The following IQCM variants were observed in gnomAD, a reference collection of about 807,000 sequenced individuals.
IQCM encodes IQ domain-containing protein M.
In IQCM, 45 loss-of-function variants were observed where a neutral mutation model predicts 57.6. That is an observed-to-expected ratio of 0.78 (90% CI 0.62 to 1.00). IQCM has a LOEUF of 1.00. Ranked by LOEUF, IQCM falls within the 50% of genes least tolerant of loss-of-function variation. The pLI, the probability that IQCM is intolerant of heterozygous loss-of-function variation, is 0.00. For missense variants in IQCM, 468 were observed against 511.6 expected, an observed-to-expected ratio of 0.91 and a Z score of 0.82; for synonymous variants, 148 against 158.9, an observed-to-expected ratio of 0.93 and a Z score of 0.51.
chr4:149,552,037 C>T (rs929423773), intron 11 of IQCM, among the ~76,000 whole-genome samples: 17 of 152,148 alleles, frequency 1.1e-4, no homozygotes, highest in African/African-American at 3.9e-4. Context: ...AAAACAATCT[C>T]TCTCTCTTTT....
chr4:149,460,337 G>C (rs563618434), intron 12 of IQCM, among the ~76,000 whole-genome samples: 1 of 152,116 alleles, frequency 6.6e-6, no homozygotes, highest in African/African-American at 2.4e-5. Flanking sequence ...TACATGATTT[G>C]CAAATATGTT....
intron 12 of IQCM, among the ~76,000 whole-genome samples, chr4:149,546,591 A>C (rs566360016): frequency 6.6e-6 from 1 of 152,036 alleles, no homozygotes; most frequent in Non-Finnish European, 1.5e-5. Flanking sequence ...CATTTTTTCA[A>C]GTGTCTTTTG....
intron 12 of IQCM, among the ~76,000 whole-genome samples, chr4:149,480,574 T>C (rs1740671643): frequency 1.3e-5 from 2 of 152,184 alleles, no homozygotes; most frequent in Non-Finnish European, 2.9e-5. Context: ...TTCCGTGTTA[T>C]TGCAAATGAC....
intron 10 of IQCM, among the ~76,000 whole-genome samples, chr4:149,561,259 G>A (rs971626922): frequency 5.3e-5 from 5 of 94,650 alleles, no homozygotes; most frequent in Admixed American, 3.7e-4. Flanking sequence ...TCCTTTTCAC[G>A]CTCATCTTTG....
At chr4:149,710,061 A>C (rs1167580301) in intron 5 of IQCM, among the ~76,000 whole-genome samples, 8 of 152,160 alleles carry the variant, frequency 5.3e-5, no homozygotes, top group Non-Finnish European at 1.2e-4. Context: ...CTGGACTATT[A>C]AATTATCTGT....
intron 12 of IQCM, among the ~76,000 whole-genome samples, chr4:149,506,111 C>G (rs918397857): frequency 8.6e-5 from 13 of 152,030 alleles, no homozygotes; most frequent in Non-Finnish European, 1.8e-4. Flanking sequence ...CCTCTTTCTA[C>G]TAGTGGAGTG....
intron 5 of IQCM, among the ~76,000 whole-genome samples, chr4:149,717,709 C>T (rs962438849): frequency 2.0e-5 from 3 of 152,176 alleles, no homozygotes; most frequent in East Asian, 1.9e-4. Flanking sequence ...CCAACTTACA[C>T]AGAGTATGGC....
At chr4:149,397,386 C>A (rs1217195398) in intron 13 of IQCM, among the ~76,000 whole-genome samples, 3 of 151,782 alleles carry the variant, frequency 2.0e-5, no homozygotes, top group African/African-American at 7.3e-5. Context: ...AATTGTAATC[C>A]CCAGGTGTCA....
At position 149,733,259 on chromosome 4, in the gene IQCM, C is replaced by T. The variant is rs964177495; in HGVS notation, c.370G>A (p.Asp124Asn). Residue 124 changes from aspartate (D) to asparagine (N), a missense_variant, in exon 5 of 14, where the codon GAT becomes AAT. Transcript: ENST00000636793. ...AAAAACTTACCTTTTGTAATTAGAT[C>T]TATGGGCCTGCATCTTTCTCTTCTA... ...FSRRERCRPI[D>N]LITKGQVKLD... is the part of the protein sequence containing the mutation. The T allele has an allele frequency of 2.8e-5, 34 of 1,231,596 alleles. No homozygotes were observed. The highest frequency in any genetic ancestry group is 2.9e-5 in the Non-Finnish European group (29 of 987,668). The allele number at this position is 1,231,596 out of a possible 1,614,324, so 76.3% of individuals were successfully genotyped here.
chr4:149,637,914 CAA>C (rs1345022974), intron 7 of IQCM, among the ~76,000 whole-genome samples: 1 of 151,956 alleles, frequency 6.6e-6, no homozygotes, highest in Non-Finnish European at 1.5e-5. Context: ...CTGGAACAGA[CAA>C]AACAAAATCA....
chr4:149,707,953 A>C (rs1764279072), intron 5 of IQCM, among the ~76,000 whole-genome samples: 1 of 151,968 alleles, frequency 6.6e-6, no homozygotes, highest in Admixed American at 6.6e-5. Flanking sequence ...TTTCATCTAG[A>C]ACCAGGAAGA....
chr4:149,426,903 C>A (rs1734499191), intron 13 of IQCM, among the ~76,000 whole-genome samples: 1 of 151,888 alleles, frequency 6.6e-6, no homozygotes, highest in Admixed American at 6.6e-5. Context: ...TCCTTGGAGC[C>A]ATCTTGGAGA....
intron 13 of IQCM, among the ~76,000 whole-genome samples, chr4:149,378,906 C>T (rs193239540): frequency 6.6e-6 from 1 of 152,136 alleles, no homozygotes; most frequent in African/African-American, 2.4e-5. Context: ...AAAATGGTTT[C>T]ATGGGCTGGG....
intron 7 of IQCM, among the ~76,000 whole-genome samples, chr4:149,635,551 A>G (rs892351523): frequency 2.0e-5 from 3 of 152,218 alleles, no homozygotes; most frequent in Admixed American, 1.3e-4. Flanking sequence ...CTATTAGAAT[A>G]AAAATTCATT....
chr4:149,606,547 T>C (rs544816596), intron 8 of IQCM, among the ~76,000 whole-genome samples: 1 of 152,180 alleles, frequency 6.6e-6, no homozygotes, highest in African/African-American at 2.4e-5. Context: ...AAACATGACC[T>C]CACCAAATTG....
At chr4:149,353,948 A>T (rs548715669) in intron 13 of IQCM, among the ~76,000 whole-genome samples, 12 of 152,296 alleles carry the variant, frequency 7.9e-5, no homozygotes, top group African/African-American at 2.4e-4. Context: ...AAAACAAAAT[A>T]AACGGGAATG....
intron 2 of IQCM, among the ~76,000 whole-genome samples, chr4:149,746,115 G>A (rs1767908864): frequency 6.6e-6 from 1 of 151,112 alleles, no homozygotes. Flanking sequence ...TGGAAAGGTA[G>A]TTTCAGCAGT....
intron 12 of IQCM, among the ~76,000 whole-genome samples, chr4:149,544,756 C>T (rs1199344850): frequency 1.3e-5 from 2 of 152,080 alleles, no homozygotes; most frequent in Non-Finnish European, 1.5e-5. Flanking sequence ...TTATATGCAA[C>T]TAATTTGTGG....
chr4:149,595,732 A>C (rs1278515123), intron 8 of IQCM, among the ~76,000 whole-genome samples: 2 of 152,140 alleles, frequency 1.3e-5, no homozygotes, highest in Non-Finnish European at 2.9e-5. Flanking sequence ...CAATCTCTTT[A>C]CATTCTTGAA....
Sources: gnomAD v4.1 joint callset for allele counts (sites outside exome capture counted in the v4.1 genomes callset) on GRCh38, gnomAD v4.1.1 for gene constraint, MANE v1.5 for transcripts, NCBI Gene and HGNC (gene_info 2026-07-23, HGNC 2026-07-21) for gene names.